The following SPRR2G variants were observed in gnomAD, a reference collection of about 807,000 sequenced individuals.
SPRR2G encodes the protein small proline-rich protein 2G.
Under a neutral mutation model 0.7 loss-of-function variants are expected in SPRR2G, and 1 was observed. The ratio of observed to expected loss-of-function variants is 1.49; its 90% CI spans 0.53 to 7.06. The LOEUF (loss-of-function observed/expected upper bound fraction) is 7.06, where lower values mean the gene tolerates loss of function less well. SPRR2G is among the 30% of genes most tolerant of loss of function. The probability of loss-of-function intolerance (pLI) is 0.14; values close to 1 mark genes in which losing one functional copy is unlikely to be tolerated. For synonymous variants in SPRR2G, 38 were observed against 33.9 expected (o/e 1.12, Z -0.42); for missense variants, 96 against 88.5 (o/e 1.09, Z -0.34).
the SPRR2G span, among the ~76,000 whole-genome samples, chr1:153,196,926 C>A: frequency 1.3e-5 from 2 of 152,172 alleles, no homozygotes; most frequent in African/African-American, 4.8e-5. Flanking sequence ...AAAAAGGAAA[C>A]AGAAGCCTGG....
the SPRR2G span, chr1:153,191,232 T>C: frequency 1.3e-5 from 2 of 152,332 alleles, no homozygotes; most frequent in African/African-American, 2.4e-5. Context: ...AAAGGAGCCA[T>C]CAGTGTCAGG....
the SPRR2G span, among the ~76,000 whole-genome samples, chr1:153,180,014 T>C: frequency 2.6e-5 from 4 of 152,196 alleles, no homozygotes; most frequent in Non-Finnish European, 5.9e-5. Flanking sequence ...GCTGACTTCA[T>C]CATATCTTTC....
At chr1:153,184,613 T>C in the SPRR2G span, among the ~76,000 whole-genome samples, 1 of 152,096 alleles carries the variant, frequency 6.6e-6, no homozygotes, top group African/African-American at 2.4e-5. Context: ...GCTGAGAAAA[T>C]GGGGTTTTCT....
the SPRR2G span, among the ~76,000 whole-genome samples, chr1:153,168,120 T>TTA: frequency 2.6e-5 from 4 of 152,304 alleles, no homozygotes; most frequent in South Asian, 8.3e-4. Flanking sequence ...GAAGAATGCT[T>TTA]TATATAACAT....
At chr1:153,199,359 A>C in the SPRR2G span, among the ~76,000 whole-genome samples, 7 of 152,212 alleles carry the variant, frequency 4.6e-5, no homozygotes, top group Admixed American at 6.5e-5. Context: ...CAAAGCAGAC[A>C]TGCCTGTTAT....
At chr1:153,190,654 A>T in the SPRR2G span, 2 of 152,254 alleles carry the variant, frequency 1.3e-5, no homozygotes, top group Non-Finnish European at 2.9e-5. Context: ...AAACTTCATT[A>T]ACGTTTCTAG....
the SPRR2G span, among the ~76,000 whole-genome samples, chr1:153,201,154 T>C: frequency 6.6e-6 from 1 of 152,190 alleles, no homozygotes; most frequent in Non-Finnish European, 1.5e-5. Context: ...GTCTCAGTAG[T>C]AGTTCCTTCC....
the SPRR2G span, among the ~76,000 whole-genome samples, chr1:153,166,628 A>T: frequency 6.6e-6 from 1 of 152,198 alleles, no homozygotes; most frequent in Non-Finnish European, 1.5e-5. Context: ...AGGTAGAAGC[A>T]ACACATTTCA....
the SPRR2G span, among the ~76,000 whole-genome samples, chr1:153,199,401 A>C: frequency 6.6e-6 from 1 of 152,220 alleles, no homozygotes; most frequent in South Asian, 2.1e-4. Flanking sequence ...CCCAGCCAGC[A>C]GGGAGAGGAG....
the SPRR2G span, among the ~76,000 whole-genome samples, chr1:153,182,171 G>A: frequency 1 from 151,657 of 152,260 alleles, 75,527 homozygotes; most frequent in Middle Eastern, 1. Context: ...GATTAGTGAT[G>A]TTGAGCAATT....
the SPRR2G span, among the ~76,000 whole-genome samples, chr1:153,191,998 A>G: frequency 6.6e-6 from 1 of 152,212 alleles, no homozygotes; most frequent in Non-Finnish European, 1.5e-5. Context: ...GAAAGCATCT[A>G]GTTTATAAAA....
the SPRR2G span, among the ~76,000 whole-genome samples, chr1:153,166,828 T>C: frequency 6.6e-6 from 1 of 152,136 alleles, no homozygotes; most frequent in Non-Finnish European, 1.5e-5. Context: ...ACAGAAAATA[T>C]CTTGATGTGC....
the SPRR2G span, among the ~76,000 whole-genome samples, chr1:153,159,465 A>G: frequency 6.6e-6 from 1 of 152,152 alleles, no homozygotes; most frequent in South Asian, 2.1e-4. Flanking sequence ...GGAAGTTCCA[A>G]ATTTTCCCAC....
the SPRR2G span, among the ~76,000 whole-genome samples, chr1:153,195,501 G>A: frequency 2.6e-5 from 4 of 152,240 alleles, no homozygotes; most frequent in South Asian, 4.1e-4. Flanking sequence ...TGCCACTGCT[G>A]GCTCAAGAAG....
chr1:153,159,197 C>G, the SPRR2G span, among the ~76,000 whole-genome samples: 9 of 152,160 alleles, frequency 5.9e-5, no homozygotes, highest in Non-Finnish European at 1.0e-4. Flanking sequence ...CAGAAACAAC[C>G]AGGTCACCTC....
the SPRR2G span, chr1:153,191,624 A>C: frequency 6.6e-6 from 1 of 152,208 alleles, no homozygotes; most frequent in Non-Finnish European, 1.5e-5. Context: ...AAATATGAGT[A>C]AAAAAGTCAA....
chr1:153,157,448 A>C, the SPRR2G span, among the ~76,000 whole-genome samples: 1 of 152,236 alleles, frequency 6.6e-6, no homozygotes, highest in Non-Finnish European at 1.5e-5. Flanking sequence ...TGATGGGTCC[A>C]AGGGAGATTA....
At chr1:153,176,969 C>A in the SPRR2G span, among the ~76,000 whole-genome samples, 1 of 152,098 alleles carries the variant, frequency 6.6e-6, no homozygotes, top group Non-Finnish European at 1.5e-5. Flanking sequence ...TTCCAATGCC[C>A]CCTTGCAGTT....
intron 1 of SPRR2G, among the ~76,000 whole-genome samples, chr1:153,150,543 T>C (rs1289215175): frequency 6.6e-6 from 1 of 152,146 alleles, no homozygotes; most frequent in African/African-American, 2.4e-5. Context: ...TGCAAAAACT[T>C]GCACCCATCA....
Sources: allele counts gnomAD v4.1 joint callset (sites outside exome capture counted in the v4.1 genomes callset), GRCh38; gene constraint gnomAD v4.1.1; transcripts MANE v1.5; gene names NCBI Gene and HGNC (gene_info 2026-07-23, HGNC 2026-07-21).